The following NUDCD3 variants were observed in gnomAD, a reference collection of about 807,000 sequenced individuals.
NUDCD3 encodes NudC domain containing 3.
Under a neutral mutation model 39.7 loss-of-function variants are expected in NUDCD3, and 13 were observed. That is an observed-to-expected ratio of 0.33 (90% CI 0.21 to 0.52). The LOEUF is 0.52. Ranked by LOEUF, NUDCD3 falls within the 20% of genes least tolerant of loss-of-function variation. NUDCD3 has a pLI of 0.96. For missense variants in NUDCD3, 453 were observed against 458.1 expected, an observed-to-expected ratio of 0.99 and a Z score of 0.10; for synonymous variants, 175 against 172.4, an observed-to-expected ratio of 1.02 and a Z score of -0.12.
At chr7:44,488,088 G>T (rs1800650878) in intron 1 of NUDCD3, among the ~76,000 whole-genome samples, 1 of 152,124 alleles carries the variant, frequency 6.6e-6, no homozygotes, top group South Asian at 2.1e-4. Context: ...TGTAATCCTA[G>T]CACTTTAGGA....
At chr7:44,484,122 A>T (rs538045695) in intron 2 of NUDCD3, among the ~76,000 whole-genome samples, 52 of 152,322 alleles carry the variant, frequency 3.4e-4, no homozygotes, top group African/African-American at 1.1e-3. Context: ...GGGGGCACAC[A>T]GGTGACCCAT....
At position 44,468,167 on chromosome 7, in the gene NUDCD3, T is replaced by G. The variant is rs1049632016; in HGVS notation, c.509+16801A>C. 8.1e-6 allele frequency: 13 copies of G among 1,603,894 alleles called. No individual in the cohort carries two copies. In the Admixed American group the frequency reaches 1.8e-4, roughly 23 times the overall value. On this transcript the variant is annotated intron_variant, in intron 2 of 5. Transcript: ENST00000355451. ...CAAGGAGCTGGAAGTGCTGCTGATG[T>G]GCAACAAATCTTACTGTGCCGAGAT... is the stretch of plus-strand genomic sequence containing the variant.
intron 1 of NUDCD3, among the ~76,000 whole-genome samples, chr7:44,487,167 T>C (rs1430246346): frequency 6.6e-6 from 1 of 152,230 alleles, no homozygotes; most frequent in African/African-American, 2.4e-5. Context: ...TACTAATGTA[T>C]TATAAAATGG....
At chr7:44,469,747 G>A (rs1800213425) in intron 2 of NUDCD3, among the ~76,000 whole-genome samples, 1 of 151,804 alleles carries the variant, frequency 6.6e-6, no homozygotes, top group Non-Finnish European at 1.5e-5. Context: ...TTCTTCTGTG[G>A]CATTCTTGCC....
chr7:44,418,489 C>T (rs1799072913), intron 3 of NUDCD3, among the ~76,000 whole-genome samples: 1 of 152,254 alleles, frequency 6.6e-6, no homozygotes, highest in South Asian at 2.1e-4. Context: ...CATTCAAAAA[C>T]TTATCCAGAG....
intron 3 of NUDCD3, chr7:44,426,066 G>A: frequency 7.5e-6 from 7 of 930,038 alleles, no homozygotes; most frequent in Non-Finnish European, 9.0e-6. Flanking sequence ...CAGCACACAG[G>A]CCTGGCCGTC....
chr7:44,486,857 C>G (rs307010), intron 1 of NUDCD3, among the ~76,000 whole-genome samples: 2,542 of 152,296 alleles, frequency 0.017, 57 homozygotes, highest in African/African-American at 0.057. Context: ...GGAAGTGCTA[C>G]CACTGCCAAC....
intron 2 of NUDCD3, among the ~76,000 whole-genome samples, chr7:44,440,839 T>C (rs1799568085): frequency 6.6e-6 from 1 of 152,220 alleles, no homozygotes; most frequent in Admixed American, 6.5e-5. Flanking sequence ...TCTTACCTAG[T>C]CTTCTTGCAT....
At chr7:44,474,209 A>G (rs996812508) in intron 2 of NUDCD3, among the ~76,000 whole-genome samples, 1 of 151,946 alleles carries the variant, frequency 6.6e-6, no homozygotes, top group Non-Finnish European at 1.5e-5. Flanking sequence ...AAGCTAGCAT[A>G]AAAAGAAGAA....
chr7:44,399,404 T>C (rs1305791885), intron 4 of NUDCD3, among the ~76,000 whole-genome samples: 1 of 152,252 alleles, frequency 6.6e-6, no homozygotes, highest in African/African-American at 2.4e-5. Flanking sequence ...CTCTGGGCTC[T>C]TGCCAAAATG....
chr7:44,424,447 GA>G (rs544742123), intron 3 of NUDCD3, among the ~76,000 whole-genome samples: 37 of 148,108 alleles, frequency 2.5e-4, no homozygotes, highest in Non-Finnish European at 3.9e-4. Flanking sequence ...AAATTTACAA[GA>G]AAAAAAAAAT....
intron 2 of NUDCD3, among the ~76,000 whole-genome samples, chr7:44,439,300 G>A (rs1799531310): frequency 6.6e-6 from 1 of 152,184 alleles, no homozygotes; most frequent in South Asian, 2.1e-4. Flanking sequence ...GTTAAATGCA[G>A]GTGACAGCTC....
At chr7:44,430,904 G>A (rs1340848146) in intron 2 of NUDCD3, among the ~76,000 whole-genome samples, 3 of 152,048 alleles carry the variant, frequency 2.0e-5, no homozygotes, top group Non-Finnish European at 4.4e-5. Context: ...TTTTGGAAAG[G>A]GCTCTGATCA....
chr7:44,432,172 C>T (rs1585074791), intron 2 of NUDCD3, among the ~76,000 whole-genome samples: 2 of 152,280 alleles, frequency 1.3e-5, no homozygotes, highest in African/African-American at 4.8e-5. Context: ...GTGCTGGCTA[C>T]TCGGAGGGTT....
rs1020172806 is a variant in NUDCD3 at position 44,379,656 on chromosome 7, A to G, written c.*6355T>C. 2 of 152,232 alleles carry G rather than the reference A, an allele frequency of 1.3e-5. No individual in the cohort carries two copies. Among genetic ancestry groups the G allele is most frequent in the African/African-American group, 4.8e-5 (2 of 41,392 alleles). 9.4% of individuals were successfully genotyped at this position (152,232 alleles called of 1,614,324 possible). A position where few individuals can be genotyped will look rare whatever the true frequency, so the allele number is the denominator to read the frequency against. On this transcript the variant is annotated 3_prime_UTR_variant, in exon 6 of 6. Coordinates refer to ENST00000355451, the MANE Select transcript of NUDCD3 (RefSeq NM_015332.4). The stretch of plus-strand genomic sequence containing the variant: ...TGCTTTAAGTTTCTGGGGATAGCAA[A>G]AGCTTAAGAAGTGACTCTTGCCATC...
chr7:44,477,122 T>C (rs1016881232), intron 2 of NUDCD3, among the ~76,000 whole-genome samples: 12 of 152,210 alleles, frequency 7.9e-5, no homozygotes, highest in Admixed American at 5.9e-4. Context: ...TCAGGTATTA[T>C]GTTCTAACGG....
chr7:44,390,470 T>C (rs1798492196), intron 5 of NUDCD3, among the ~76,000 whole-genome samples: 1 of 152,216 alleles, frequency 6.6e-6, no homozygotes, highest in African/African-American at 2.4e-5. Flanking sequence ...CATCTCTCTG[T>C]AACAAAGGCT....
At chr7:44,421,645 T>C (rs1799144163) in intron 3 of NUDCD3, among the ~76,000 whole-genome samples, 1 of 152,104 alleles carries the variant, frequency 6.6e-6, no homozygotes, top group South Asian at 2.1e-4. Flanking sequence ...ATGCACCCAA[T>C]ACAGGAGCAC....
intron 5 of NUDCD3, among the ~76,000 whole-genome samples, chr7:44,389,851 G>T (rs532666075): frequency 6.6e-5 from 10 of 152,008 alleles, no homozygotes; most frequent in Non-Finnish European, 1.5e-4. Flanking sequence ...AGGAGGGAAG[G>T]GGAGGGGCAA....
Sources: allele counts gnomAD v4.1 joint callset (sites outside exome capture counted in the v4.1 genomes callset), GRCh38; gene constraint gnomAD v4.1.1; transcripts MANE v1.5; gene names NCBI Gene and HGNC (gene_info 2026-07-23, HGNC 2026-07-21).